The following FOXP2 variants were observed in gnomAD, a reference collection of about 807,000 sequenced individuals.
FOXP2 encodes the protein forkhead box protein P2.
A neutral mutation model predicts 115.8 loss-of-function variants in FOXP2; 12 were observed. The observed-to-expected ratio is 0.10, with a 90% CI of 0.07 to 0.17. The LOEUF (loss-of-function observed/expected upper bound fraction) is 0.17, where lower values mean the gene tolerates loss of function less well. FOXP2 is among the 10% of genes least tolerant of loss of function. FOXP2 has a pLI of 1.00. For synonymous variants in FOXP2, 328 were observed against 297.7 expected (o/e 1.10, Z -1.05); for missense variants, 629 against 843.5 (o/e 0.75, Z 3.15).
upstream of FOXP2, chr7:114,086,740 C>T (rs1344421544): frequency 1.3e-5 from 3 of 232,032 alleles, no homozygotes; most frequent in African/African-American, 4.8e-5. Context: ...GACAAAGTTT[C>T]GCCCCAAAGG....
intron 1 of FOXP2, among the ~76,000 whole-genome samples, chr7:114,196,832 T>C (rs1314658131): frequency 6.6e-6 from 1 of 152,168 alleles, no homozygotes; most frequent in East Asian, 1.9e-4. Flanking sequence ...TGTACAATCT[T>C]ACTTGTTTTT....
intron 1 of FOXP2, among the ~76,000 whole-genome samples, chr7:114,210,544 T>A (rs555025399): frequency 6.6e-6 from 1 of 152,230 alleles, no homozygotes; most frequent in East Asian, 1.9e-4. Flanking sequence ...CCCAGGGAAG[T>A]ACTGACTTGT....
intron 1 of FOXP2, among the ~76,000 whole-genome samples, chr7:114,146,235 G>A (rs990773959): frequency 3.3e-5 from 5 of 152,136 alleles, no homozygotes; most frequent in African/African-American, 1.2e-4. Context: ...TTAGACCTTG[G>A]TAATGACTTT....
intron 1 of FOXP2, among the ~76,000 whole-genome samples, chr7:114,209,116 T>C (rs1180792052): frequency 2.0e-5 from 3 of 152,152 alleles, no homozygotes; most frequent in African/African-American, 7.2e-5. Flanking sequence ...CATGGCATGG[T>C]TTCTCCCATC....
At chr7:114,257,389 G>T (rs1795642418) in intron 1 of FOXP2, among the ~76,000 whole-genome samples, 1 of 151,248 alleles carries the variant, frequency 6.6e-6, no homozygotes, top group Non-Finnish European at 1.5e-5. Context: ...CACAGGCAAA[G>T]ATTTCATGAT....
chr7:114,330,728 A>G (rs1018308522), intron 2 of FOXP2, among the ~76,000 whole-genome samples: 6 of 152,016 alleles, frequency 3.9e-5, no homozygotes, highest in Admixed American at 2.0e-4. Context: ...AGTCATTTAT[A>G]TTATTTAGTC....
chr7:114,339,424 C>T (rs970291328), intron 2 of FOXP2, among the ~76,000 whole-genome samples: 1 of 150,896 alleles, frequency 6.6e-6, no homozygotes, highest in African/African-American at 2.4e-5. Flanking sequence ...TTTTTGTGAA[C>T]TTTTTTTTAG....
intron 2 of FOXP2, among the ~76,000 whole-genome samples, chr7:114,329,528 A>C (rs1797641730): frequency 8.5e-6 from 1 of 118,262 alleles, no homozygotes. Flanking sequence ...TCGGAAAAAA[A>C]AAAAAGAAAA....
chr7:114,395,088 A>G (rs746797860), intron 2 of FOXP2, among the ~76,000 whole-genome samples: 15 of 152,194 alleles, frequency 9.9e-5, no homozygotes, highest in Non-Finnish European at 1.9e-4. Context: ...GAAAAAAATT[A>G]TCTGTACTAT....
intron 2 of FOXP2, among the ~76,000 whole-genome samples, chr7:114,459,157 C>T (rs1795451004): frequency 1.3e-5 from 2 of 152,184 alleles, no homozygotes; most frequent in Admixed American, 1.3e-4. Flanking sequence ...CTCTTAAGAG[C>T]TAGGCCCAGA....
chr7:114,127,676 C>A (rs1039809822), intron 1 of FOXP2, among the ~76,000 whole-genome samples: 2 of 152,100 alleles, frequency 1.3e-5, no homozygotes, highest in African/African-American at 4.8e-5. Flanking sequence ...TTTTTGAATT[C>A]ATGAATTTTA....
chr7:114,202,482 A>C (rs1794093107), intron 1 of FOXP2, among the ~76,000 whole-genome samples: 2 of 152,160 alleles, frequency 1.3e-5, no homozygotes, highest in African/African-American at 4.8e-5. Context: ...TTTGAAACCC[A>C]AATTCCAGAC....
intron 2 of FOXP2, among the ~76,000 whole-genome samples, chr7:114,493,581 G>T (rs1157778544): frequency 6.6e-6 from 1 of 152,028 alleles, no homozygotes; most frequent in Non-Finnish European, 1.5e-5. Flanking sequence ...TATCATTTAT[G>T]TACAAAACAC....
intron 1 of FOXP2, among the ~76,000 whole-genome samples, chr7:114,171,429 TG>T (rs1189582760): frequency 3.3e-5 from 5 of 152,082 alleles, no homozygotes; most frequent in Non-Finnish European, 7.4e-5. Flanking sequence ...AAAAATTAGC[TG>T]GGCATGGTGT....
chr7:114,365,727 G>A (rs971050294), intron 2 of FOXP2, among the ~76,000 whole-genome samples: 2 of 151,994 alleles, frequency 1.3e-5, no homozygotes. Flanking sequence ...ACGATTGATA[G>A]CAACCGTAAT....
At chr7:114,182,686 C>G (rs1793487868) in intron 1 of FOXP2, among the ~76,000 whole-genome samples, 1 of 151,370 alleles carries the variant, frequency 6.6e-6, no homozygotes, top group African/African-American at 2.4e-5. Flanking sequence ...TAATCCCATT[C>G]AATCCTTGAA....
intron 2 of FOXP2, among the ~76,000 whole-genome samples, chr7:114,300,819 A>G (rs1796862137): frequency 6.6e-6 from 1 of 151,928 alleles, no homozygotes; most frequent in Non-Finnish European, 1.5e-5. Flanking sequence ...TAAATGGCTT[A>G]TCTTTAAAAA....
intron 2 of FOXP2, among the ~76,000 whole-genome samples, chr7:114,429,386 TA>T (rs1421852214): frequency 1.3e-5 from 2 of 151,048 alleles, no homozygotes; most frequent in African/African-American, 2.4e-5. Context: ...ACAATTAGTT[TA>T]AAAAAAAGCC....
chr7:114,266,548 C>T (rs1795899954), intron 1 of FOXP2, among the ~76,000 whole-genome samples: 1 of 152,012 alleles, frequency 6.6e-6, no homozygotes, highest in South Asian at 2.1e-4. Flanking sequence ...CACTTATAAG[C>T]CACCAGATGT....
Sources: gnomAD v4.1 joint callset for allele counts (sites outside exome capture counted in the v4.1 genomes callset) on GRCh38, gnomAD v4.1.1 for gene constraint, MANE v1.5 for transcripts, NCBI Gene and HGNC (gene_info 2026-07-23, HGNC 2026-07-21) for gene names.